The following ADAMTSL3 variants were observed in gnomAD, a reference collection of about 807,000 sequenced individuals.
ADAMTSL3 encodes ADAMTS like 3, also known as ADAMTS-like protein 3.
ADAMTSL3 carries 128 observed loss-of-function variants against 201.7 expected under a neutral mutation model. The ratio of observed to expected loss-of-function variants is 0.63; its 90% CI spans 0.55 to 0.73. ADAMTSL3 has a LOEUF of 0.73. ADAMTSL3 is among the 30% of genes least tolerant of loss of function. The pLI, the probability that ADAMTSL3 is intolerant of heterozygous loss-of-function variation, is 0.00. For synonymous variants in ADAMTSL3, 738 were observed against 748.4 expected (o/e 0.99, Z 0.23); for missense variants, 1,990 against 2,119.6 (o/e 0.94, Z 1.20).
At chr15:83,775,557 G>GCAGT (rs2063058738) in intron 4 of ADAMTSL3, among the ~76,000 whole-genome samples, 1 of 152,134 alleles carries the variant, frequency 6.6e-6, no homozygotes, top group African/African-American at 2.4e-5. Flanking sequence ...GTAGGGAAGG[G>GCAGT]CAGTTGTTCA....
intron 15 of ADAMTSL3, among the ~76,000 whole-genome samples, chr15:83,903,851 G>A (rs150379392): frequency 0.017 from 2,409 of 141,860 alleles, 207 homozygotes; most frequent in Non-Finnish European, 0.027. Context: ...TCGGGAGGCA[G>A]AGGTTGCAGT....
chr15:83,912,530 A>G (rs2065952482), intron 15 of ADAMTSL3, among the ~76,000 whole-genome samples: 1 of 152,196 alleles, frequency 6.6e-6, no homozygotes, highest in Non-Finnish European at 1.5e-5. Context: ...AGATTGTGCA[A>G]TATTTCTTTT....
At chr15:83,865,460 A>T (rs535750612) in intron 8 of ADAMTSL3, among the ~76,000 whole-genome samples, 2 of 152,200 alleles carry the variant, frequency 1.3e-5, no homozygotes, top group Non-Finnish European at 2.9e-5. Flanking sequence ...ATAATGCCGC[A>T]TATCTACAAC....
At chr15:83,923,428 T>A (rs1322146696) in intron 16 of ADAMTSL3, among the ~76,000 whole-genome samples, 1 of 152,156 alleles carries the variant, frequency 6.6e-6, no homozygotes, top group Non-Finnish European at 1.5e-5. Flanking sequence ...ATAATTAAAA[T>A]TTTGAGGAGT....
chr15:83,927,172 A>G (rs141054712), intron 17 of ADAMTSL3, among the ~76,000 whole-genome samples: 1,755 of 151,256 alleles, frequency 0.012, 36 homozygotes, highest in African/African-American at 0.04. Flanking sequence ...GCTGGAGTGC[A>G]ATGGCACAGT....
At chr15:84,031,208 C>G in intron 27 of ADAMTSL3, 127 bp from the exon 28 acceptor site, 1 of 877,420 alleles carries the variant, frequency 1.1e-6, no homozygotes, top group East Asian at 2.5e-5. Context: ...TAACTCCCCC[C>G]TGGGGACAGT....
At chr15:83,960,721 G>A (rs531631106) in intron 19 of ADAMTSL3, among the ~76,000 whole-genome samples, 2 of 152,224 alleles carry the variant, frequency 1.3e-5, no homozygotes, top group African/African-American at 2.4e-5. Flanking sequence ...ATTCAAATTC[G>A]AAAATCTGAA....
intron 19 of ADAMTSL3, among the ~76,000 whole-genome samples, chr15:83,954,520 C>G (rs2066817972): frequency 6.6e-6 from 1 of 152,060 alleles, no homozygotes; most frequent in East Asian, 1.9e-4. Flanking sequence ...AGGATTGGTC[C>G]CTGGTGCCTG....
At chr15:83,967,036 A>G (rs776133719) in intron 19 of ADAMTSL3, among the ~76,000 whole-genome samples, 22 of 152,240 alleles carry the variant, frequency 1.4e-4, no homozygotes, top group Non-Finnish European at 3.1e-4. Context: ...GTATCTCAAA[A>G]TAATAAGAGC....
Position 83,973,482 on chromosome 15 carries a change from G to T in ADAMTSL3, c.2644+2845G>T, listed in dbSNP as rs7168806. ...CAAGTGATTTGTTTGTTGGTGGGTT[G>T]GTTCCCTAGCCTGAGCCACCAGGAT... On this transcript the variant is annotated intron_variant, in intron 20 of 29. Coordinates refer to ENST00000286744, the MANE Select transcript of ADAMTSL3 (RefSeq NM_207517.3). Among the ~76,000 whole-genome samples, 3 of 152,014 alleles carry T rather than the reference G, an allele frequency of 2.0e-5. No homozygotes were observed. The East Asian group carries it at 5.8e-4, about 29-fold the overall frequency.
At chr15:83,826,067 A>C (rs1030667114) in intron 6 of ADAMTSL3, among the ~76,000 whole-genome samples, 24 of 152,164 alleles carry the variant, frequency 1.6e-4, no homozygotes, top group African/African-American at 4.8e-4. Flanking sequence ...ATAAGGCAAG[A>C]GGTAGGATGA....
Position 83,789,059 on chromosome 15 carries a change from C to G in ADAMTSL3, c.317+15409C>G, listed in dbSNP as rs182770826. 6.5e-3 allele frequency among the ~76,000 whole-genome samples: 984 copies of G among 152,290 alleles called. 7 individuals carry two copies. Among genetic ancestry groups the G allele is most frequent in the Non-Finnish European group, 8.5e-3 (581 of 68,034 alleles). On this transcript the variant is annotated intron_variant, in intron 4 of 29. Coordinates refer to ENST00000286744, the MANE Select transcript of ADAMTSL3 (RefSeq NM_207517.3). The stretch of plus-strand genomic sequence containing the variant: ...CTCCTGACCTCAGGTGATCTGCCAG[C>G]CTCAGCCTCCCAAAGTGTTGGGATT...
chr15:83,663,681 C>G (rs542097215), intron 2 of ADAMTSL3, among the ~76,000 whole-genome samples: 1 of 152,308 alleles, frequency 6.6e-6, no homozygotes, highest in African/African-American at 2.4e-5. Flanking sequence ...GACCTTGTCC[C>G]CCAAGTGATT....
chr15:83,762,004 G>A (rs1296295731), intron 3 of ADAMTSL3, among the ~76,000 whole-genome samples: 2 of 152,108 alleles, frequency 1.3e-5, no homozygotes, highest in Non-Finnish European at 2.9e-5. Flanking sequence ...TCTCCTGCAG[G>A]GCCCGTGGTT....
intron 3 of ADAMTSL3, among the ~76,000 whole-genome samples, chr15:83,750,562 CTT>C (rs35930485): frequency 5.9e-5 from 9 of 151,476 alleles, no homozygotes; most frequent in African/African-American, 2.2e-4. Context: ...ATGGGGGAGA[CTT>C]TTTTTTGAGA....
In ADAMTSL3 at chr15:84,021,589, G is replaced by C; in HGVS notation, c.4453G>C (p.Ala1485Pro). 1.9e-6 allele frequency: 3 copies of C among 1,613,598 alleles called. No individual in the cohort carries two copies. Among genetic ancestry groups the C allele is most frequent in the South Asian group, 1.1e-5 (1 of 91,024 alleles). Residue 1485 changes from alanine (A) to proline (P), a missense_variant, in exon 26 of 30, where the codon GCG (alanine) becomes CCG (proline). Ala to Pro is a conservative substitution (Grantham distance 27). Coordinates refer to ENST00000286744, the MANE Select transcript of ADAMTSL3 (RefSeq NM_207517.3). ...GCCCTGTAACATCCGGGACTGCCCA[G>C]CGAGGTAAGTGAAGTCACTCTTTGT... ...FEPCNIRDCP[A>P]RWFTSVWSQC...
At chr15:83,871,819 C>T (rs1378514269) in intron 9 of ADAMTSL3, among the ~76,000 whole-genome samples, 2 of 152,114 alleles carry the variant, frequency 1.3e-5, no homozygotes, top group Non-Finnish European at 2.9e-5. Flanking sequence ...GTGGTTTTGC[C>T]GTATCCTGTT....
chr15:83,954,252 A>G lies in ADAMTSL3; in HGVS notation c.2490+11170A>G, dbSNP rs1217708339. Among the ~76,000 whole-genome samples the G allele has an allele frequency of 2.0e-5, 3 of 152,066 alleles. No individual in the cohort carries two copies. In the South Asian group the frequency reaches 6.2e-4, roughly 32 times the overall value. On this transcript the variant is annotated intron_variant, in intron 19 of 29. Coordinates refer to ENST00000286744, the MANE Select transcript of ADAMTSL3 (RefSeq NM_207517.3). The stretch of plus-strand genomic sequence containing the variant: ...TTTTTCTTTTGTCTCCTCTAACTGT[A>G]TTTTAAAATACCCTGTTTTCAGGCT...
Position 83,891,368 on chromosome 15 carries a change from A to G in ADAMTSL3, c.1251A>G (p.Gln417=), listed in dbSNP as rs202075227. The change falls in exon 12 of 30, where the codon CAA becomes CAG. Residue 417 remains glutamine, a synonymous_variant. Coordinates refer to ENST00000286744, the MANE Select transcript of ADAMTSL3 (RefSeq NM_207517.3). ...AGATAATGCCCTATGACCACTTCCA[A>G]CCTCTTCCTCGGTGAGTTATATGTT... is the stretch of plus-strand genomic sequence containing the variant. ...FKEIMPYDHF[Q]PLPRWEHNPW... 4.0e-5 allele frequency: 64 copies of G among 1,612,896 alleles called. No individual in the cohort carries two copies. Among genetic ancestry groups the G allele is most frequent in the South Asian group, 8.8e-5 (8 of 91,036 alleles).
Sources: gnomAD v4.1 joint callset for allele counts (sites outside exome capture counted in the v4.1 genomes callset) on GRCh38, gnomAD v4.1.1 for gene constraint, MANE v1.5 for transcripts, NCBI Gene and HGNC (gene_info 2026-07-23, HGNC 2026-07-21) for gene names.